Variants in C12orf42 observed in about 807,000 individuals in gnomAD.
The protein encoded by C12orf42 is chromosome 12 open reading frame 42.
A neutral mutation model predicts 21.6 loss-of-function variants in C12orf42; 25 were observed. The observed-to-expected ratio is 1.16, with a 90% CI of 0.84 to 1.62. The LOEUF (loss-of-function observed/expected upper bound fraction) is 1.62. Ranked by LOEUF, C12orf42 falls within the 40% of genes most tolerant of loss-of-function variation. The probability of loss-of-function intolerance (pLI) is 0.00; values close to 1 mark genes in which losing one functional copy is unlikely to be tolerated. For missense variants in C12orf42, 483 were observed against 459.3 expected (o/e 1.05, Z -0.47); for synonymous variants, 174 against 175.0 (o/e 0.99, Z 0.05).
downstream of C12orf42, among the ~76,000 whole-genome samples, chr12:103,267,195 G>C (rs540651353): frequency 4.6e-5 from 7 of 152,038 alleles, no homozygotes; most frequent in Non-Finnish European, 1.0e-4. Flanking sequence ...TCTCTGGTTC[G>C]AGTCAATTCA....
the C12orf42 span, among the ~76,000 whole-genome samples, chr12:103,083,107 G>A: frequency 6.6e-6 from 1 of 152,202 alleles, no homozygotes; most frequent in Non-Finnish European, 1.5e-5. Context: ...GCTGACGCCT[G>A]TAATTCCAAC....
At chr12:103,377,662 C>T (rs1333991700) in intron 3 of C12orf42, among the ~76,000 whole-genome samples, 1 of 152,158 alleles carries the variant, frequency 6.6e-6, no homozygotes, top group East Asian at 1.9e-4. Context: ...CCCAACTCTG[C>T]AGGGTGAGCC....
intron 10 of C12orf42, among the ~76,000 whole-genome samples, chr12:103,248,935 A>ACATGGT (rs1428227050): frequency 6.6e-6 from 1 of 152,064 alleles, no homozygotes; most frequent in African/African-American, 2.4e-5. Flanking sequence ...AATATTCTAG[A>ACATGGT]CATGGTTCAT....
chr12:103,514,338 G>T, the C12orf42 span, among the ~76,000 whole-genome samples: 1 of 152,204 alleles, frequency 6.6e-6, no homozygotes, highest in African/African-American at 2.4e-5. Context: ...TGACAGGGGA[G>T]ACCTCTCTGA....
intron 2 of C12orf42, among the ~76,000 whole-genome samples, chr12:103,460,173 G>A (rs17033979): frequency 0.011 from 1,718 of 152,026 alleles, 38 homozygotes; most frequent in African/African-American, 0.039. Context: ...TATCCATGTG[G>A]CACATAGCAG....
chr12:103,310,625 C>T (rs1170195784), intron 4 of C12orf42, among the ~76,000 whole-genome samples: 2 of 152,228 alleles, frequency 1.3e-5, no homozygotes, highest in Non-Finnish European at 2.9e-5. Flanking sequence ...ATAGAATCTT[C>T]ACCCCAGAAC....
chr12:103,413,844 G>GGT (rs947092731), intron 2 of C12orf42, among the ~76,000 whole-genome samples: 8 of 151,790 alleles, frequency 5.3e-5, no homozygotes, highest in Non-Finnish European at 7.4e-5. Flanking sequence ...AGTATTCCAT[G>GGT]GTGTGTGTGT....
Position 103,420,615 on chromosome 12 carries a change from C to T in C12orf42, c.79-18940G>A, listed in dbSNP as rs146683437. Reference sequence around the variant, plus strand: ...CACGATCTCTGCTCACTGCAACCTCCGCCTCCCTGGTTCATGTGATTCTCC... The same window carrying T: ...CACGATCTCTGCTCACTGCAACCTCTGCCTCCCTGGTTCATGTGATTCTCC... On this transcript the variant is annotated intron_variant, in intron 2 of 5. Coordinates refer to ENST00000548883, the MANE Select transcript of C12orf42 (RefSeq NM_198521.5). Among the ~76,000 whole-genome samples, 683 of 152,122 alleles carry T rather than the reference C, an allele frequency of 4.5e-3. 7 individuals carry two copies. Among genetic ancestry groups the T allele is most frequent in the African/African-American group, 0.016 (646 of 41,490 alleles).
At chr12:103,458,746 A>G (rs527302057) in intron 2 of C12orf42, among the ~76,000 whole-genome samples, 7 of 152,220 alleles carry the variant, frequency 4.6e-5, no homozygotes, top group African/African-American at 1.7e-4. Flanking sequence ...CTTTGCTATA[A>G]TGCTATAAAC....
the C12orf42 span, among the ~76,000 whole-genome samples, chr12:103,222,993 T>C: frequency 2.0e-5 from 3 of 152,008 alleles, no homozygotes; most frequent in Admixed American, 6.6e-5. Context: ...ACAAACATAA[T>C]CTCATTCCAT....
intron 2 of C12orf42, among the ~76,000 whole-genome samples, chr12:103,428,720 T>C (rs1453419801): frequency 6.6e-6 from 1 of 152,110 alleles, no homozygotes; most frequent in African/African-American, 2.4e-5. Flanking sequence ...AAATCCTTAA[T>C]AAAATACTGG....
chr12:103,395,576 C>A (rs1342778142), intron 3 of C12orf42, among the ~76,000 whole-genome samples: 1 of 152,166 alleles, frequency 6.6e-6, no homozygotes, highest in Non-Finnish European at 1.5e-5. Flanking sequence ...ACCGAGCGAT[C>A]TGCCCGCCTC....
chr12:103,201,951 C>A, the C12orf42 span, among the ~76,000 whole-genome samples: 1 of 152,072 alleles, frequency 6.6e-6, no homozygotes, highest in East Asian at 1.9e-4. Context: ...AAGAAATGTG[C>A]ATCAAAATGA....
At chr12:103,050,585 T>C in the C12orf42 span, among the ~76,000 whole-genome samples, 1 of 152,042 alleles carries the variant, frequency 6.6e-6, no homozygotes, top group African/African-American at 2.4e-5. Flanking sequence ...AGAGTAGCCA[T>C]ATGGTACAAC....
chr12:103,161,387 A>AC, the C12orf42 span: 1 of 151,272 alleles, frequency 6.6e-6, no homozygotes, highest in East Asian at 1.9e-4. Context: ...TAAAAAAAAA[A>AC]CCCATGATCA....
At chr12:103,543,288 T>G in the C12orf42 span, among the ~76,000 whole-genome samples, 1 of 152,166 alleles carries the variant, frequency 6.6e-6, no homozygotes, top group Admixed American at 6.5e-5. Context: ...AACTCATGAC[T>G]ATTTATTCTC....
chr12:103,239,507 T>C (rs943395073), intron 10 of C12orf42, among the ~76,000 whole-genome samples: 1 of 152,212 alleles, frequency 6.6e-6, no homozygotes, highest in Non-Finnish European at 1.5e-5. Context: ...TGGCTTACCA[T>C]TCTAAGAGTC....
At chr12:103,245,243 C>A (rs2033952436) in intron 10 of C12orf42, among the ~76,000 whole-genome samples, 1 of 152,088 alleles carries the variant, frequency 6.6e-6, no homozygotes, top group African/African-American at 2.4e-5. Flanking sequence ...TAAATGAACA[C>A]AAGCTTCAGC....
chr12:103,464,704 A>G lies in C12orf42; in HGVS notation c.78+13645T>C, dbSNP rs991517568. Among the ~76,000 whole-genome samples, 13 of 152,170 alleles carry G rather than the reference A, an allele frequency of 8.5e-5. 1 individual carries two copies. Among genetic ancestry groups the G allele is most frequent in the Admixed American group, 2.6e-4 (4 of 15,288 alleles). ...TAGGGTTTTTATAGTTTTGGGTTTT[A>G]CTTTTAAGTCTTTAATCCATTTTGA... On this transcript the variant is annotated intron_variant, in intron 2 of 5. Coordinates refer to ENST00000548883, the MANE Select transcript of C12orf42 (RefSeq NM_198521.5).
Sources: allele counts gnomAD v4.1 joint callset (sites outside exome capture counted in the v4.1 genomes callset), GRCh38; gene constraint gnomAD v4.1.1; transcripts MANE v1.5; gene names NCBI Gene and HGNC (gene_info 2026-07-23, HGNC 2026-07-21).